Variants in ASTN2 observed in about 807,000 individuals in gnomAD.
ASTN2 encodes astrotactin 2.
Under a neutral mutation model 139.8 loss-of-function variants are expected in ASTN2, and 54 were observed. The observed-to-expected ratio is 0.39, with a 90% CI of 0.31 to 0.48. The LOEUF is 0.48. Among genes scored for constraint, ASTN2 ranks in the 20% least tolerant of loss-of-function variants. ASTN2 has a pLI of 0.95. For missense variants in ASTN2, 1,565 were observed against 1,725.1 expected (o/e 0.91, Z 1.64); for synonymous variants, 756 against 719.5 (o/e 1.05, Z -0.81).
intron 2 of ASTN2, among the ~76,000 whole-genome samples, chr9:117,244,278 G>A (rs1036376190): frequency 5.9e-5 from 9 of 152,048 alleles, no homozygotes; most frequent in Non-Finnish European, 1.2e-4. Context: ...GTCTAATACA[G>A]TACACCTGTA....
chr9:117,192,718 C>T (rs887418875), intron 3 of ASTN2, among the ~76,000 whole-genome samples: 1 of 152,108 alleles, frequency 6.6e-6, no homozygotes, highest in Non-Finnish European at 1.5e-5. Context: ...TTCAGGATGT[C>T]ACAGGGATAA....
rs114602790 is a variant in ASTN2, at chr9:116,849,041, G to A, written c.2040+14542C>T. 6.0e-3 allele frequency among the ~76,000 whole-genome samples: 917 copies of A among 152,202 alleles called. 6 individuals are homozygous for A. Among genetic ancestry groups the A allele is most frequent in the African/African-American group, 0.021 (861 of 41,522 alleles). ...TCACAGAACTCAGGGAAATACTTAT[G>A]TTCCCTGGTTTATTATAAAGGATAT... is the stretch of plus-strand genomic sequence containing the variant. On this transcript the variant is annotated intron_variant, in intron 11 of 22. Coordinates refer to ENST00000313400, the MANE Select transcript of ASTN2 (RefSeq NM_001365068.1).
At chr9:116,980,230 C>T (rs1364519389) in intron 7 of ASTN2, among the ~76,000 whole-genome samples, 3 of 151,968 alleles carry the variant, frequency 2.0e-5, no homozygotes, top group African/African-American at 7.3e-5. Context: ...TCTCCTAGAG[C>T]TGATGTAAGA....
intron 5 of ASTN2, among the ~76,000 whole-genome samples, chr9:117,060,380 A>AAGAAAGAT (rs1839220485): frequency 1.3e-5 from 1 of 77,140 alleles, no homozygotes; most frequent in African/African-American, 6.7e-5. Context: ...GAAAGAAAGA[A>AAGAAAGAT]AGAAAGAAAG....
intron 3 of ASTN2, among the ~76,000 whole-genome samples, chr9:117,147,438 A>AACACACACACACAC (rs35703147): frequency 6.7e-6 from 1 of 148,264 alleles, no homozygotes; most frequent in Non-Finnish European, 1.5e-5. Flanking sequence ...TCTGACTCAA[A>AACACACACACACAC]ACACACACAC....
chr9:116,434,532 G>T (rs1847590558), intron 22 of ASTN2, among the ~76,000 whole-genome samples: 1 of 152,208 alleles, frequency 6.6e-6, no homozygotes, highest in African/African-American at 2.4e-5. Flanking sequence ...GTCTGCCATG[G>T]AGGCAAGAGG....
chr9:117,079,914 T>A (rs1455735135), intron 5 of ASTN2, among the ~76,000 whole-genome samples: 1 of 152,266 alleles, frequency 6.6e-6, no homozygotes, highest in Non-Finnish European at 1.5e-5. Context: ...TTTGTTGCTT[T>A]TATTATTTCA....
At chr9:117,018,587 T>C (rs73657617) in intron 6 of ASTN2, among the ~76,000 whole-genome samples, 1 of 152,056 alleles carries the variant, frequency 6.6e-6, no homozygotes, top group Non-Finnish European at 1.5e-5. Context: ...CTGTCTGGAA[T>C]TGGCTTCACT....
At position 116,425,216 on chromosome 9, in the gene ASTN2, C is replaced by T. The variant is rs1564266885; in HGVS notation, c.*635G>A. 3.6e-6 allele frequency: 1 copy of T among 278,902 alleles called. No homozygotes were observed. The highest frequency in any genetic ancestry group is 6.7e-6 in the Non-Finnish European group (1 of 149,488). The allele number at this position is 278,902 out of a possible 1,614,324, so 17.3% of individuals were successfully genotyped here. On this transcript the variant is annotated 3_prime_UTR_variant, in exon 23 of 23. Coordinates refer to ENST00000313400, the MANE Select transcript of ASTN2 (RefSeq NM_001365068.1). ...CACATTCCCTTGGTAAGAAATACCA[C>T]CCAAGCAGAAAGAGAGACAATAGGA... is the stretch of plus-strand genomic sequence containing the variant.
intron 19 of ASTN2, chr9:116,613,201 C>G (rs1035492790): frequency 3.3e-5 from 5 of 152,066 alleles, no homozygotes; most frequent in African/African-American, 1.2e-4. Context: ...CTGAATAGAC[C>G]AATAACAGGT....
intron 1 of ASTN2, among the ~76,000 whole-genome samples, chr9:117,299,236 GTTT>G (rs1385411025): frequency 6.6e-6 from 1 of 152,084 alleles, no homozygotes; most frequent in African/African-American, 2.4e-5. Flanking sequence ...TTTTCTCTAC[GTTT>G]TTTATACTGA....
At chr9:116,950,935 T>A (rs1588435975) in intron 10 of ASTN2, among the ~76,000 whole-genome samples, 1 of 152,130 alleles carries the variant, frequency 6.6e-6, no homozygotes, top group South Asian at 2.1e-4. Flanking sequence ...ATGTTAAAGA[T>A]GTAAGAATGT....
intron 17 of ASTN2, among the ~76,000 whole-genome samples, chr9:116,625,896 A>G (rs1029980277): frequency 6.6e-6 from 1 of 152,040 alleles, no homozygotes; most frequent in African/African-American, 2.4e-5. Context: ...CAATTTTTAC[A>G]AATTTCACAT....
chr9:117,384,937 A>C (rs1418502858), intron 1 of ASTN2, among the ~76,000 whole-genome samples: 2 of 152,078 alleles, frequency 1.3e-5, no homozygotes, highest in African/African-American at 4.8e-5. Context: ...GTTTGGGAAA[A>C]CTGGAGAACA....
chr9:116,525,437 C>T (rs1587937182), intron 19 of ASTN2, among the ~76,000 whole-genome samples: 2 of 152,304 alleles, frequency 1.3e-5, no homozygotes, highest in South Asian at 2.1e-4. Flanking sequence ...CAGGTGACTT[C>T]TTAGGAGTTA....
chr9:117,293,989 G>T (rs1001089303), intron 1 of ASTN2, among the ~76,000 whole-genome samples: 1 of 152,210 alleles, frequency 6.6e-6, no homozygotes, highest in South Asian at 2.1e-4. Flanking sequence ...AGTTGAAGGC[G>T]GAGCGAGCAG....
At chr9:117,200,788 A>G (rs894392393) in intron 3 of ASTN2, among the ~76,000 whole-genome samples, 9 of 152,144 alleles carry the variant, frequency 5.9e-5, no homozygotes, top group Non-Finnish European at 1.2e-4. Context: ...GGATTTTTGC[A>G]TCGATGTTCA....
chr9:116,955,204 A>G (rs553400476), intron 10 of ASTN2, among the ~76,000 whole-genome samples: 1 of 152,318 alleles, frequency 6.6e-6, no homozygotes, highest in African/African-American at 2.4e-5. Context: ...ATAAGAATAT[A>G]AAGTGTTTAT....
intron 17 of ASTN2, among the ~76,000 whole-genome samples, chr9:116,641,086 G>T (rs1345380798): frequency 2.6e-5 from 4 of 152,178 alleles, no homozygotes; most frequent in African/African-American, 9.7e-5. Flanking sequence ...GGCAACCATA[G>T]TACAGTGGTC....
Sources: gnomAD v4.1 joint callset for allele counts (sites outside exome capture counted in the v4.1 genomes callset) on GRCh38, gnomAD v4.1.1 for gene constraint, MANE v1.5 for transcripts, NCBI Gene and HGNC (gene_info 2026-07-23, HGNC 2026-07-21) for gene names.